Variants in BNIP1 observed in about 807,000 individuals in gnomAD.
BNIP1 encodes the protein vesicle transport protein SEC20.
Under a neutral mutation model 28.5 loss-of-function variants are expected in BNIP1, and 25 were observed. That is an observed-to-expected ratio of 0.88 (90% CI 0.64 to 1.23). BNIP1 has a LOEUF of 1.23. Ranked by LOEUF, BNIP1 falls within the 50% of genes most tolerant of loss-of-function variation. The pLI, the probability that BNIP1 is intolerant of heterozygous loss-of-function variation, is 0.00. For missense variants in BNIP1, 276 were observed against 277.0 expected, an observed-to-expected ratio of 1.00 and a Z score of 0.02; for synonymous variants, 118 against 101.7, an observed-to-expected ratio of 1.16 and a Z score of -0.96.
intron 4 of BNIP1, 42 bp from the exon 5 acceptor site, chr5:173,159,891 T>C: frequency 6.4e-7 from 1 of 1,572,060 alleles, no homozygotes. Context: ...CAGGGAGGCT[T>C]TTGTTGACAT....
intron 2 of BNIP1, among the ~76,000 whole-genome samples, chr5:173,151,049 C>T (rs913909396): frequency 1.3e-5 from 2 of 151,960 alleles, no homozygotes; most frequent in Non-Finnish European, 2.9e-5. Context: ...GTTAGCCAGG[C>T]TGGTCTCGAT....
At chr5:173,151,473 A>C in intron 2 of BNIP1, 1 of 1,309,272 alleles carries the variant, frequency 7.6e-7, no homozygotes, top group South Asian at 1.4e-5. Context: ...TGCCTGCCTC[A>C]GCCTTCCAAA....
At position 173,154,205 on chromosome 5, in the gene BNIP1, C is replaced by T. The variant is rs371164756; in HGVS notation, c.178-117C>T. The T allele has an allele frequency of 3.6e-5, 28 of 771,818 alleles. No homozygotes were observed. In the African/African-American group the frequency reaches 4.6e-4, roughly 13 times the overall value. 47.8% of individuals were successfully genotyped at this position (771,818 alleles called of 1,614,324 possible). ...ATGTTACCTAGCATTCCTAGGTGTTCTGTTTTAAAAGGGTGCTTCAAGTGC... is the reference window on the plus strand; with the variant it reads ...ATGTTACCTAGCATTCCTAGGTGTTTTGTTTTAAAAGGGTGCTTCAAGTGC... On this transcript the variant is annotated intron_variant, in intron 2 of 5. Transcript: ENST00000351486.
Position 173,158,839 on chromosome 5 carries a change from G to T in BNIP1, c.365G>T (p.Arg122Met). 1 of 1,612,218 alleles carries T rather than the reference G, an allele frequency of 6.2e-7. No homozygotes were observed. The highest frequency in any genetic ancestry group is 2.2e-5 in the East Asian group (1 of 44,842). ...CTTCTTCAGGGAGGAGATCTCTTAA[G>T]GCAAAGGTACCTATTCTTTTATTTT... ...AELLQGGDLLRQRKTTKESLA... is the reference protein window; with the variant it reads ...AELLQGGDLLMQRKTTKESLA... The change falls in exon 4 of 6, where the codon AGG (arginine) becomes ATG (methionine). Residue 122 changes from arginine to methionine, a missense_variant. Coordinates refer to ENST00000351486, the MANE Select transcript of BNIP1 (RefSeq NM_001205.3).
chr5:173,161,047 C>A (rs35143948), intron 5 of BNIP1: 12 of 340,288 alleles, frequency 3.5e-5, no homozygotes, highest in South Asian at 2.8e-4. Flanking sequence ...ATCCTGAATC[C>A]CCTGAGCCCT....
At chr5:173,159,590 G>T (rs1760304029) in intron 4 of BNIP1, among the ~76,000 whole-genome samples, 1 of 151,924 alleles carries the variant, frequency 6.6e-6, no homozygotes, top group South Asian at 2.1e-4. Flanking sequence ...AGTAGTGTAA[G>T]TAATACACCA....
intron 2 of BNIP1, among the ~76,000 whole-genome samples, chr5:173,153,891 C>T (rs894998447): frequency 4.6e-5 from 7 of 152,122 alleles, no homozygotes; most frequent in Non-Finnish European, 1.0e-4. Context: ...GCCTATTACT[C>T]GTCTTTAATT....
intron 5 of BNIP1, 52 bp downstream of exon 5, chr5:173,160,103 C>T (rs966242876): frequency 6.5e-7 from 1 of 1,542,282 alleles, no homozygotes; most frequent in African/African-American, 1.4e-5. Context: ...TGCTCTAGGG[C>T]CCTTGCCCTG....
intron 2 of BNIP1, among the ~76,000 whole-genome samples, chr5:173,147,977 C>T (rs1429398555): frequency 4.9e-5 from 7 of 143,330 alleles, no homozygotes; most frequent in African/African-American, 1.8e-4. Context: ...GCAGGAGAAT[C>T]GCTTGAACCC....
intron 2 of BNIP1, among the ~76,000 whole-genome samples, chr5:173,148,076 AAAAAAAAATATATATATATATATATATAT>A (rs1336349592): frequency 2.3e-4 from 11 of 46,830 alleles, no homozygotes; most frequent in Admixed American, 9.2e-4. Flanking sequence ...AAAAAAAAAA[AAAAAAAAATATATATATATATATATATAT>A]ATATATATAT....
chr5:173,151,499 GCAGGAGCCACCA>G, intron 2 of BNIP1: 1 of 1,508,024 alleles, frequency 6.6e-7, no homozygotes, highest in Non-Finnish European at 8.9e-7. Flanking sequence ...GGGATTACAG[GCAGGAGCCACCA>G]CACCTGGTCT....
rs1240450391 is a variant in BNIP1, at chr5:173,158,085, A to G, written c.270-659A>G. 2.0e-5 allele frequency among the ~76,000 whole-genome samples: 3 copies of G among 151,312 alleles called. No homozygotes were observed. In the East Asian group the frequency reaches 5.9e-4, roughly 30 times the overall value. ...GGAACCACAGGCATGCGCCACCACC[A>G]TGCCTGGCTAATTTTTTGTATTTTT... is the stretch of plus-strand genomic sequence containing the variant. On this transcript the variant is annotated intron_variant, in intron 3 of 5. Coordinates refer to ENST00000351486, the MANE Select transcript of BNIP1 (RefSeq NM_001205.3).
intron 1 of BNIP1, 74 bp from the exon 2 acceptor site, chr5:173,146,792 C>CT: frequency 8.6e-7 from 1 of 1,166,014 alleles, no homozygotes; most frequent in Non-Finnish European, 1.3e-6. Context: ...TAAACCAACT[C>CT]TATCACTGTA....
Position 173,163,818 on chromosome 5 carries a change from A to G in BNIP1, c.584A>G (p.Asn195Ser), listed in dbSNP as rs747690631. ...GGCCGGAAGCTTATCACAAAATACA[A>G]TCGCCGGGAGCTGACGGACAAGCTT... ...QLGRKLITKY[N>S]RRELTDKLLI... Residue 195 changes from asparagine to serine, a missense_variant, in exon 6 of 6, where the codon AAT becomes AGT. Physicochemically the swap from Asn to Ser is conservative, Grantham distance 46. Coordinates refer to ENST00000351486, the MANE Select transcript of BNIP1 (RefSeq NM_001205.3). 10 of 1,613,868 alleles carry G rather than the reference A, an allele frequency of 6.2e-6. No individual in the cohort carries two copies. Among genetic ancestry groups the G allele is most frequent in the Non-Finnish European group, 8.5e-6 (10 of 1,179,898 alleles).
intron 2 of BNIP1, among the ~76,000 whole-genome samples, chr5:173,149,577 T>C (rs929992730): frequency 6.6e-6 from 1 of 152,110 alleles, no homozygotes; most frequent in African/African-American, 2.4e-5. Flanking sequence ...TCTTGTGGTA[T>C]TGGGGTTTTG....
At chr5:173,157,989 C>T (rs1760252410) in intron 3 of BNIP1, among the ~76,000 whole-genome samples, 1 of 148,816 alleles carries the variant, frequency 6.7e-6, no homozygotes, top group Admixed American at 6.7e-5. Context: ...TATAGTGGTA[C>T]TATCACGGCT....
intron 4 of BNIP1, 30 bp downstream of exon 4, chr5:173,158,875 G>C (rs536614812): frequency 6.5e-7 from 1 of 1,545,168 alleles, no homozygotes; most frequent in Non-Finnish European, 8.9e-7. Context: ...TCTGGGCTCC[G>C]ATAATAATAG....
At chr5:173,159,818 A>T in intron 4 of BNIP1, 115 bp from the exon 5 acceptor site, 1 of 892,612 alleles carries the variant, frequency 1.1e-6, no homozygotes, top group Non-Finnish European at 1.8e-6. Context: ...GTGATCATTT[A>T]AAATATGTAT....
intron 2 of BNIP1, among the ~76,000 whole-genome samples, chr5:173,152,332 C>T (rs567890861): frequency 6.6e-6 from 1 of 152,222 alleles, no homozygotes; most frequent in Admixed American, 6.5e-5. Context: ...TACAGCTCTG[C>T]TTATTCATAG....
Sources: gnomAD v4.1 joint callset for allele counts (sites outside exome capture counted in the v4.1 genomes callset) on GRCh38, gnomAD v4.1.1 for gene constraint, MANE v1.5 for transcripts, NCBI Gene and HGNC (gene_info 2026-07-23, HGNC 2026-07-21) for gene names.